Variants in TEAD1 observed in about 807,000 individuals in gnomAD.
TEAD1 encodes transcriptional enhancer factor TEF-1.
TEAD1 carries 9 observed loss-of-function variants against 54.9 expected under a neutral mutation model. The observed-to-expected ratio is 0.16, with a 90% CI of 0.10 to 0.29. The LOEUF (loss-of-function observed/expected upper bound fraction) is 0.29, where lower values mean the gene tolerates loss of function less well. Among genes scored for constraint, TEAD1 ranks in the 10% least tolerant of loss-of-function variants. TEAD1 has a pLI of 1.00. For missense variants in TEAD1, 387 were observed against 535.9 expected (o/e 0.72, Z 2.74); for synonymous variants, 200 against 187.8 (o/e 1.07, Z -0.53).
chr11:12,933,588 T>C (rs1314907759), intron 12 of TEAD1, among the ~76,000 whole-genome samples: 1 of 152,206 alleles, frequency 6.6e-6, no homozygotes. Flanking sequence ...CCAAATATTT[T>C]CCAATCTGAT....
At chr11:12,704,234 C>T (rs1304504461) in intron 2 of TEAD1, among the ~76,000 whole-genome samples, 3 of 152,142 alleles carry the variant, frequency 2.0e-5, no homozygotes, top group South Asian at 4.1e-4. Context: ...TGCATCTTAG[C>T]CGTTCAGTTT....
intron 3 of TEAD1, among the ~76,000 whole-genome samples, chr11:12,766,947 T>C (rs1343345869): frequency 6.6e-6 from 1 of 152,132 alleles, no homozygotes; most frequent in East Asian, 1.9e-4. Context: ...TCCAGGCAGC[T>C]GCCTTGGGGA....
Position 12,737,719 on chromosome 11 carries a change from A to G in TEAD1, c.-54-26460A>G, listed in dbSNP as rs535899869. Reference sequence around the variant, plus strand: ...GTAATTGGAGGGAAAAAAAGAGGAAACATTTTGCTCAGTAGCAAATCAAAA... The same window carrying G: ...GTAATTGGAGGGAAAAAAAGAGGAAGCATTTTGCTCAGTAGCAAATCAAAA... On this transcript the variant is annotated intron_variant, in intron 2 of 12. Coordinates refer to ENST00000527636, the MANE Select transcript of TEAD1 (RefSeq NM_021961.6). Among the ~76,000 whole-genome samples, 18 of 152,334 alleles carry G rather than the reference A, an allele frequency of 1.2e-4. 1 individual carries two copies. The South Asian group carries it at 3.5e-3, about 30-fold the overall frequency.
rs117507803 is a variant in TEAD1 at position 12,933,059 on chromosome 11, G to A, written c.1167+2733G>A. On this transcript the variant is annotated intron_variant, in intron 12 of 12. Transcript: ENST00000527636. ...GCCTAGGTGTGTAGTAGGCTGTACCGTCTAGGTCTGAGTAAGTACACTCTA... is the reference window on the plus strand; with the variant it reads ...GCCTAGGTGTGTAGTAGGCTGTACCATCTAGGTCTGAGTAAGTACACTCTA... 5.4e-4 allele frequency among the ~76,000 whole-genome samples: 82 copies of A among 152,282 alleles called. No individual in the cohort carries two copies. The East Asian group carries it at 0.013, about 24-fold the overall frequency.
intron 11 of TEAD1, among the ~76,000 whole-genome samples, chr11:12,929,957 C>G (rs1948984746): frequency 6.6e-6 from 1 of 152,108 alleles, no homozygotes; most frequent in Non-Finnish European, 1.5e-5. Context: ...ATCTTTCCAA[C>G]TAATTTTTTA....
chr11:12,926,368 A>G (rs1363443158), intron 11 of TEAD1, among the ~76,000 whole-genome samples: 1 of 152,142 alleles, frequency 6.6e-6, no homozygotes, highest in Non-Finnish European at 1.5e-5. Context: ...CAGATGGACA[A>G]TTTAAGCTTA....
chr11:12,751,322 A>G (rs1944864930), intron 2 of TEAD1, among the ~76,000 whole-genome samples: 1 of 151,544 alleles, frequency 6.6e-6, no homozygotes, highest in Non-Finnish European at 1.5e-5. Flanking sequence ...TACTAAAGGC[A>G]TGGGCCCAAA....
chr11:12,719,210 G>A (rs999494742), intron 2 of TEAD1, among the ~76,000 whole-genome samples: 1 of 152,070 alleles, frequency 6.6e-6, no homozygotes, highest in African/African-American at 2.4e-5. Context: ...CATGAGAGCA[G>A]TTTGGGGAGG....
At chr11:12,700,826 T>G (rs2133837850) in intron 2 of TEAD1, among the ~76,000 whole-genome samples, 1 of 152,338 alleles carries the variant, frequency 6.6e-6, no homozygotes, top group East Asian at 1.9e-4. Context: ...GACTTGATTT[T>G]GTAGATTATA....
At chr11:12,775,972 C>CG (rs1945409388) in intron 3 of TEAD1, among the ~76,000 whole-genome samples, 1 of 146,850 alleles carries the variant, frequency 6.8e-6, no homozygotes, top group African/African-American at 2.7e-5. Flanking sequence ...TTACTGGCGG[C>CG]GGGGGGTTCA....
At chr11:12,747,841 G>A (rs1008090699) in intron 2 of TEAD1, among the ~76,000 whole-genome samples, 3 of 152,156 alleles carry the variant, frequency 2.0e-5, no homozygotes, top group Non-Finnish European at 4.4e-5. Flanking sequence ...AGAAATGTAG[G>A]CACAGGTAGT....
chr11:12,702,500 C>T (rs1490128571), intron 2 of TEAD1, among the ~76,000 whole-genome samples: 2 of 152,128 alleles, frequency 1.3e-5, no homozygotes, highest in African/African-American at 2.4e-5. Flanking sequence ...GGATAAGAAT[C>T]GTTAGCCCCA....
At chr11:12,890,569 GCTGCCATGCTTA>G (rs1262451462) in intron 9 of TEAD1, among the ~76,000 whole-genome samples, 1 of 152,128 alleles carries the variant, frequency 6.6e-6, no homozygotes, top group African/African-American at 2.4e-5. Flanking sequence ...TAACAGGATC[GCTGCCATGCTTA>G]CTGTGATGAT....
intron 2 of TEAD1, among the ~76,000 whole-genome samples, chr11:12,678,637 G>A (rs1205261115): frequency 1.3e-5 from 2 of 152,170 alleles, no homozygotes; most frequent in Non-Finnish European, 2.9e-5. Flanking sequence ...CAATTACTTT[G>A]TACCTCTGAA....
At chr11:12,865,094 CGTGT>C (rs879592476) in intron 5 of TEAD1, 194 bp downstream of exon 5, 3 of 680,178 alleles carry the variant, frequency 4.4e-6, no homozygotes, top group South Asian at 3.2e-5. Flanking sequence ...TGTGTGAGCG[CGTGT>C]GTGTGTTTGC....
chr11:12,806,058 CAA>C (rs1054975385), intron 3 of TEAD1, among the ~76,000 whole-genome samples: 2 of 152,082 alleles, frequency 1.3e-5, no homozygotes, highest in Non-Finnish European at 2.9e-5. Flanking sequence ...GAGCCTGAGG[CAA>C]AGAGTGTCAG....
intron 10 of TEAD1, among the ~76,000 whole-genome samples, chr11:12,916,344 C>T (rs1047915523): frequency 3.3e-5 from 5 of 152,030 alleles, no homozygotes; most frequent in Admixed American, 6.6e-5. Flanking sequence ...GGGTTGGGGC[C>T]AAGACTGGCT....
intron 3 of TEAD1, among the ~76,000 whole-genome samples, chr11:12,837,801 T>C (rs1363459638): frequency 2.1e-5 from 3 of 144,106 alleles, no homozygotes; most frequent in Non-Finnish European, 3.0e-5. Flanking sequence ...CTTTCTTCCT[T>C]CTTCTTTTTT....
At chr11:12,792,284 C>T (rs1291556623) in intron 3 of TEAD1, among the ~76,000 whole-genome samples, 1 of 141,994 alleles carries the variant, frequency 7.0e-6, no homozygotes, top group Non-Finnish European at 1.5e-5. Context: ...ATTGACCTCT[C>T]AAATGCTTGG....
Sources: allele counts gnomAD v4.1 joint callset (sites outside exome capture counted in the v4.1 genomes callset), GRCh38; gene constraint gnomAD v4.1.1; transcripts MANE v1.5; gene names NCBI Gene and HGNC (gene_info 2026-07-23, HGNC 2026-07-21).